The following BTNL3 variants were observed in gnomAD, a reference collection of about 807,000 sequenced individuals.
The protein encoded by BTNL3 is butyrophilin like 3, also known as butyrophilin-like protein 3.
BTNL3 carries 20 observed loss-of-function variants against 40.1 expected under a neutral mutation model. The observed-to-expected ratio is 0.50, with a 90% CI of 0.35 to 0.72. The LOEUF (loss-of-function observed/expected upper bound fraction) is 0.72. BTNL3 is among the 30% of genes least tolerant of loss of function. The pLI is 0.01. For synonymous variants in BTNL3, 179 were observed against 222.1 expected (o/e 0.81, Z 1.73); for missense variants, 449 against 582.2 (o/e 0.77, Z 2.35).
rs753052211 is a variant in BTNL3, at chr5:181,005,382, C to G, written c.911C>G (p.Ser304Cys). ...ACGGCTCACCCGAAGCTCTGCGTTT[C>G]TGATCTGAAAACTGTAACCCATAGA... ...PETAHPKLCVSDLKTVTHRKA... is the reference protein window; with the variant it reads ...PETAHPKLCVCDLKTVTHRKA... The change falls in exon 8 of 8, where the codon TCT becomes TGT. Residue 304 changes from serine (S) to cysteine (C), a missense_variant. Ser to Cys is a moderately radical substitution (Grantham distance 112). Transcript: ENST00000342868. 1 of 1,613,588 alleles carries G rather than the reference C, an allele frequency of 6.2e-7. No homozygotes were observed. Among genetic ancestry groups the G allele is most frequent in the Non-Finnish European group, 8.5e-7 (1 of 1,179,832 alleles).
intron 3 of BTNL3, among the ~76,000 whole-genome samples, chr5:180,999,571 G>A (rs969466396): frequency 1.5e-5 from 2 of 136,764 alleles, no homozygotes; most frequent in Non-Finnish European, 3.3e-5. Context: ...AGGCTGAGGC[G>A]GGCAGATCGC....
At chr5:180,994,782 ATTT>A (rs200903601) in intron 2 of BTNL3, among the ~76,000 whole-genome samples, 1 of 120,590 alleles carries the variant, frequency 8.3e-6, no homozygotes, top group Admixed American at 9.1e-5. Flanking sequence ...GAGTTCAATA[ATTT>A]TTTTTTTTTT....
intron 4 of BTNL3, 37 bp from the exon 5 acceptor site, chr5:181,003,819 C>G (rs1314366700): frequency 1.2e-6 from 2 of 1,614,024 alleles, no homozygotes; most frequent in African/African-American, 2.7e-5. Flanking sequence ...CTTGCACACT[C>G]CTGTGTCCAC....
Position 181,000,578 on chromosome 5 carries a change from A to G in BTNL3, c.674-2094A>G, listed in dbSNP as rs113655517. Among the ~76,000 whole-genome samples, 15 of 134,770 alleles carry G rather than the reference A, an allele frequency of 1.1e-4. 3 individuals carry two copies. The highest frequency in any genetic ancestry group is 8.7e-4 in the East Asian group (4 of 4,602). The allele number at this position is 134,770 out of a possible 152,430, so 88.4% of individuals were successfully genotyped here. A position where few individuals can be genotyped will look rare whatever the true frequency, so the allele number is the denominator to read the frequency against. ...TCCCAGCACTTTGGGAGGCCGAGGCAGGTGGATCATGAGGTCAGGAGATCG... is the reference window on the plus strand; with the variant it reads ...TCCCAGCACTTTGGGAGGCCGAGGCGGGTGGATCATGAGGTCAGGAGATCG... On this transcript the variant is annotated intron_variant, in intron 3 of 7. Coordinates refer to ENST00000342868, the MANE Select transcript of BTNL3 (RefSeq NM_197975.3).
At chr5:180,989,684 A>C (rs1166648842) in intron 1 of BTNL3, among the ~76,000 whole-genome samples, 1 of 134,084 alleles carries the variant, frequency 7.5e-6, no homozygotes, top group African/African-American at 2.6e-5. Flanking sequence ...TAATCAAATA[A>C]ATTTTGCAGG....
In BTNL3 at chr5:181,002,454, A is replaced by G. The variant is rs745835625; in HGVS notation, c.674-218A>G. 2.9e-4 allele frequency among the ~76,000 whole-genome samples: 18 copies of G among 62,442 alleles called. 5 individuals are homozygous for G. Among genetic ancestry groups the G allele is most frequent in the Non-Finnish European group, 5.0e-4 (16 of 31,772 alleles). 41.0% of individuals were successfully genotyped at this position (62,442 alleles called of 152,430 possible). A position where few individuals can be genotyped will look rare whatever the true frequency, so the allele number is the denominator to read the frequency against. ...AAAGAAATGCAAAGCTTTAACGCGCACACACACACACACGTGAATATATAT... is the reference window on the plus strand; with the variant it reads ...AAAGAAATGCAAAGCTTTAACGCGCGCACACACACACACGTGAATATATAT... On this transcript the variant is annotated intron_variant, in intron 3 of 7. Coordinates refer to ENST00000342868, the MANE Select transcript of BTNL3 (RefSeq NM_197975.3).
intron 3 of BTNL3, among the ~76,000 whole-genome samples, chr5:180,999,116 G>T (rs140454518): frequency 0.012 from 1,628 of 136,038 alleles, 184 homozygotes; most frequent in African/African-American, 0.039. Flanking sequence ...GATAGAGCAA[G>T]ACTCCATCTC....
chr5:181,003,761 A>G, intron 4 of BTNL3, 95 bp from the exon 5 acceptor site: 2 of 1,602,488 alleles, frequency 1.2e-6, no homozygotes, highest in Non-Finnish European at 1.7e-6. Context: ...TGCCCTTCAC[A>G]CCTGCAGCTC....
In BTNL3 at chr5:180,996,877, G is replaced by A. The variant is rs1198090840; in HGVS notation, c.398-336G>A. The stretch of plus-strand genomic sequence containing the variant: ...ACAGTTTCCTCACTATTTGATCAAT[G>A]AGTTTCTCATTAGAAGGGGCTGTGT... On this transcript the variant is annotated intron_variant, in intron 2 of 7. Coordinates refer to ENST00000342868, the MANE Select transcript of BTNL3 (RefSeq NM_197975.3). Among the ~76,000 whole-genome samples, 3 of 136,686 alleles carry A rather than the reference G, an allele frequency of 2.2e-5. 1 individual carries two copies. Among genetic ancestry groups the A allele is most frequent in the Non-Finnish European group, 5.0e-5 (3 of 59,838 alleles). 89.7% of individuals were successfully genotyped at this position (136,686 alleles called of 152,430 possible).
Position 180,993,040 on chromosome 5 carries a change from G to A in BTNL3, c.277G>A (p.Ala93Thr), listed in dbSNP as rs1390480871. 2 of 1,457,588 alleles carry A rather than the reference G, an allele frequency of 1.4e-6. 1 individual carries two copies. Among genetic ancestry groups the A allele is most frequent in the African/African-American group, 2.8e-5 (2 of 72,250 alleles). The allele number at this position is 1,457,588 out of a possible 1,614,324, so 90.3% of individuals were successfully genotyped here. Residue 93 changes from alanine (A) to threonine (T), a missense_variant, in exon 2 of 8, where the codon GCA (alanine) becomes ACA (threonine). Ala to Thr is a moderately conservative substitution (Grantham distance 58, BLOSUM62 0). Coordinates refer to ENST00000342868, the MANE Select transcript of BTNL3 (RefSeq NM_197975.3). ...AACTGAGTTTGTGAAGGACTCCATTGCAGGGGGGCGTGTCTCTCTAAGGCT... is the reference window on the plus strand; with the variant it reads ...AACTGAGTTTGTGAAGGACTCCATTACAGGGGGGCGTGTCTCTCTAAGGCT... ...GRTEFVKDSI[A>T]GGRVSLRLKN...
intron 1 of BTNL3, 116 bp downstream of exon 1, chr5:180,989,193 C>T: frequency 1.7e-6 from 2 of 1,199,224 alleles, no homozygotes; most frequent in Middle Eastern, 2.0e-4. Context: ...TTGCATTCTC[C>T]AGCTTCTCCT....
intron 3 of BTNL3, among the ~76,000 whole-genome samples, chr5:180,999,075 C>T (rs1185086177): frequency 2.2e-5 from 3 of 136,006 alleles, no homozygotes; most frequent in East Asian, 4.4e-4. Context: ...TGCGGTGAGC[C>T]GAGATCATGC....
intron 6 of BTNL3, 114 bp from the exon 7 acceptor site, chr5:181,004,622 C>T: frequency 6.2e-7 from 1 of 1,610,566 alleles, no homozygotes; most frequent in South Asian, 1.1e-5. Context: ...TTCTTCAGAT[C>T]TCTGGAGGGT....
In BTNL3 at chr5:180,999,755, G is replaced by A. The variant is rs554751928; in HGVS notation, c.673+2267G>A. The stretch of plus-strand genomic sequence containing the variant: ...ACAGAGATTGCAGTGAGCTGAGATC[G>A]CCCCACTGTACTCCAGCCTGGGGGA... On this transcript the variant is annotated intron_variant, in intron 3 of 7. Transcript: ENST00000342868. 4.8e-4 allele frequency among the ~76,000 whole-genome samples: 66 copies of A among 136,384 alleles called. 9 individuals carry two copies. The highest frequency in any genetic ancestry group is 1.5e-3 in the African/African-American group (60 of 39,718). 89.5% of individuals were successfully genotyped at this position (136,384 alleles called of 152,430 possible). A position where few individuals can be genotyped will look rare whatever the true frequency, so the allele number is the denominator to read the frequency against.
chr5:181,004,841 T>C, intron 7 of BTNL3, 79 bp downstream of exon 7: 2 of 1,613,456 alleles, frequency 1.2e-6, no homozygotes, highest in Non-Finnish European at 1.7e-6. Context: ...ATCCAGCTTG[T>C]AGACAGCAAA....
intron 1 of BTNL3, 40 bp downstream of exon 1, chr5:180,989,117 G>C: frequency 7.1e-7 from 1 of 1,412,756 alleles, no homozygotes; most frequent in South Asian, 1.2e-5. Flanking sequence ...TCTCCTTGTT[G>C]AATAATATTT....
Position 180,995,074 on chromosome 5 carries a change from A to T in BTNL3, c.397+1914A>T, listed in dbSNP as rs1046880041. Among the ~76,000 whole-genome samples the T allele has an allele frequency of 2.8e-4, 38 of 137,160 alleles. 8 individuals carry two copies. Among genetic ancestry groups the T allele is most frequent in the African/African-American group, 8.5e-4 (34 of 39,930 alleles). The allele number at this position is 137,160 out of a possible 152,430, so 90.0% of individuals were successfully genotyped here. The stretch of plus-strand genomic sequence containing the variant: ...AGTGCTGGGATTACAGGCCTGAGCC[A>T]CCATGCCAGGCCAATAATTTTATTT... On this transcript the variant is annotated intron_variant, in intron 2 of 7. Transcript: ENST00000342868.
chr5:181,002,452 GCACACA>G (rs35201027), intron 3 of BTNL3, among the ~76,000 whole-genome samples: 2 of 76,368 alleles, frequency 2.6e-5, no homozygotes, highest in Non-Finnish European at 5.7e-5. Flanking sequence ...GCTTTAACGC[GCACACA>G]CACACACACG....
chr5:180,994,094 C>T (rs950759909), intron 2 of BTNL3, among the ~76,000 whole-genome samples: 1 of 137,704 alleles, frequency 7.3e-6, no homozygotes, highest in Non-Finnish European at 1.7e-5. Context: ...TGAGCCACCA[C>T]ACCCAGCACA....
Sources: gnomAD v4.1 joint callset for allele counts (sites outside exome capture counted in the v4.1 genomes callset) on GRCh38, gnomAD v4.1.1 for gene constraint, MANE v1.5 for transcripts, NCBI Gene and HGNC (gene_info 2026-07-23, HGNC 2026-07-21) for gene names.